The following QRSL1 variants were observed in gnomAD, a reference collection of about 807,000 sequenced individuals.
The protein encoded by QRSL1 is glutamyl-tRNA(Gln) amidotransferase subunit A, mitochondrial.
QRSL1 carries 54 observed loss-of-function variants against 61.6 expected under a neutral mutation model. That is an observed-to-expected ratio of 0.88 (90% CI 0.70 to 1.10). The LOEUF (loss-of-function observed/expected upper bound fraction) is 1.10, where lower values mean the gene tolerates loss of function less well. Among genes scored for constraint, QRSL1 ranks in the 50% least tolerant of loss-of-function variants. The pLI is 0.00. For synonymous variants in QRSL1, 228 were observed against 225.7 expected (o/e 1.01, Z -0.09); for missense variants, 505 against 622.6 (o/e 0.81, Z 2.01).
intron 1 of QRSL1, among the ~76,000 whole-genome samples, chr6:106,636,754 A>C (rs1230019235): frequency 6.6e-6 from 1 of 152,206 alleles, no homozygotes; most frequent in African/African-American, 2.4e-5. Flanking sequence ...AATGTCTAGA[A>C]CTAAGTACTA....
chr6:106,650,569 GATTTGTT>G, intron 5 of QRSL1, among the ~76,000 whole-genome samples: 1 of 86,720 alleles, frequency 1.2e-5, no homozygotes, highest in South Asian at 3.5e-4. Context: ...ACCCCTTTTT[GATTTGTT>G]TCTTTTACAA....
intron 1 of QRSL1, 121 bp downstream of exon 1, chr6:106,629,826 G>A (rs954502712): frequency 2.5e-6 from 3 of 1,214,350 alleles, no homozygotes; most frequent in Admixed American, 2.1e-5. Flanking sequence ...CTCTAGAACT[G>A]AGTGGGGGAT....
At position 106,667,684 on chromosome 6, in the gene QRSL1, A is replaced by G. The variant is rs113284867; in HGVS notation, c.*1682A>G. On this transcript the variant is annotated 3_prime_UTR_variant, in exon 11 of 11. Coordinates refer to ENST00000369046, the MANE Select transcript of QRSL1 (RefSeq NM_018292.5). Reference sequence around the variant, plus strand: ...CTCTGAGATCCTCCCGCTCCCAAATACTCAACCTGATTAACTTCACATAAA... The same window carrying G: ...CTCTGAGATCCTCCCGCTCCCAAATGCTCAACCTGATTAACTTCACATAAA... 2.2e-3 allele frequency: 329 copies of G among 152,196 alleles called. 1 individual carries two copies. Among genetic ancestry groups the G allele is most frequent in the African/African-American group, 7.6e-3 (315 of 41,530 alleles). The allele number at this position is 152,196 out of a possible 1,614,324, so 9.4% of individuals were successfully genotyped here. A position where few individuals can be genotyped will look rare whatever the true frequency, so the allele number is the denominator to read the frequency against.
chr6:106,666,371 G>C lies in QRSL1; in HGVS notation c.*369G>C. 9.5e-6 allele frequency: 2 copies of C among 210,062 alleles called. No individual in the cohort carries two copies. Among genetic ancestry groups the C allele is most frequent in the South Asian group, 7.1e-5 (1 of 14,138 alleles). 13.0% of individuals were successfully genotyped at this position (210,062 alleles called of 1,614,324 possible). ...ACGTACAGAGATTCTATATTCTAGA[G>C]AGTCAAATGGTCTTGCTCAATTCTT... is the stretch of plus-strand genomic sequence containing the variant. On this transcript the variant is annotated 3_prime_UTR_variant, in exon 11 of 11. Transcript: ENST00000369046.
Position 106,640,432 on chromosome 6 carries a change from T to C in QRSL1, c.108T>C (p.Phe36=). 1 of 1,611,892 alleles carries C rather than the reference T, an allele frequency of 6.2e-7. No individual in the cohort carries two copies. Among genetic ancestry groups the C allele is most frequent in the Non-Finnish European group, 8.5e-7 (1 of 1,178,874 alleles). ...TCTCTCTTATCAAGAAGACCAAGTT[T>C]CTAAATGCCTACATTACTGTGTCAG... The part of the protein sequence containing the change: ...KCLSLIKKTK[F]LNAYITVSEE... The change falls in exon 2 of 11, where the codon TTT becomes TTC. Residue 36 remains phenylalanine, a synonymous_variant. Transcript: ENST00000369046.
Position 106,633,455 on chromosome 6 carries a change from G to A in QRSL1, c.24+3750G>A, listed in dbSNP as rs1402772333. ...AATTGAGATAATCAGTTGAAGAGGG[G>A]GAAATTTGCGGGGAATTAGGGAGAA... is the stretch of plus-strand genomic sequence containing the variant. On this transcript the variant is annotated intron_variant, in intron 1 of 10. Transcript: ENST00000369046. Among the ~76,000 whole-genome samples the A allele has an allele frequency of 4.6e-5, 7 of 152,248 alleles. No individual in the cohort carries two copies. The East Asian group carries it at 1.3e-3, about 29-fold the overall frequency.
chr6:106,642,570 T>C lies in QRSL1; in HGVS notation c.284-424T>C, dbSNP rs1582409822. 2.8e-5 allele frequency: 21 copies of C among 737,168 alleles called. No homozygotes were observed. In the East Asian group the frequency reaches 5.2e-4, roughly 18 times the overall value. 45.7% of individuals were successfully genotyped at this position (737,168 alleles called of 1,614,324 possible). Reference sequence around the variant, plus strand: ...ATGTGAACCTATAAGAAAGGTGATGTGGACATCAAGGGAATGGGTATTGTT... The same window carrying C: ...ATGTGAACCTATAAGAAAGGTGATGCGGACATCAAGGGAATGGGTATTGTT... On this transcript the variant is annotated intron_variant, in intron 3 of 10. Coordinates refer to ENST00000369046, the MANE Select transcript of QRSL1 (RefSeq NM_018292.5).
At chr6:106,662,285 G>A (rs1777369796) in intron 9 of QRSL1, among the ~76,000 whole-genome samples, 1 of 152,098 alleles carries the variant, frequency 6.6e-6, no homozygotes, top group South Asian at 2.1e-4. Context: ...CCTCACCAAT[G>A]AATATTCTGG....
intron 10 of QRSL1, among the ~76,000 whole-genome samples, chr6:106,665,389 T>A (rs1168531813): frequency 6.6e-6 from 1 of 152,168 alleles, no homozygotes; most frequent in Non-Finnish European, 1.5e-5. Flanking sequence ...TGAAGCAATC[T>A]CCTCCTCATC....
At chr6:106,662,526 T>C (rs1777373239) in intron 9 of QRSL1, among the ~76,000 whole-genome samples, 1 of 151,930 alleles carries the variant, frequency 6.6e-6, no homozygotes, top group South Asian at 2.1e-4. Flanking sequence ...GCCTAAACTC[T>C]TTATTTAACC....
At chr6:106,630,893 T>C (rs1010329916) in intron 1 of QRSL1, among the ~76,000 whole-genome samples, 4 of 152,234 alleles carry the variant, frequency 2.6e-5, no homozygotes, top group African/African-American at 9.6e-5. Flanking sequence ...TACATTATTA[T>C]GTTATCATTT....
intron 9 of QRSL1, among the ~76,000 whole-genome samples, chr6:106,661,720 T>G: frequency 3.0e-5 from 2 of 66,530 alleles, no homozygotes; most frequent in Admixed American, 2.3e-4. Flanking sequence ...TTTTTTTTTT[T>G]TGAGACGGAG....
chr6:106,651,281 C>T (rs190177256), intron 5 of QRSL1, among the ~76,000 whole-genome samples: 3 of 152,042 alleles, frequency 2.0e-5, no homozygotes, highest in African/African-American at 7.2e-5. Context: ...AAGAAATGAA[C>T]AGTCACTTTG....
At chr6:106,652,135 C>T in intron 5 of QRSL1, 74 bp from the exon 6 acceptor site, 5 of 1,368,810 alleles carry the variant, frequency 3.7e-6, no homozygotes, top group Non-Finnish European at 5.0e-6. Context: ...TAAAAATATA[C>T]AATTGAAAGG....
intron 7 of QRSL1, among the ~76,000 whole-genome samples, chr6:106,654,041 G>A (rs1234383552): frequency 2.0e-5 from 3 of 152,110 alleles, no homozygotes; most frequent in Non-Finnish European, 2.9e-5. Context: ...AGCATGAGAT[G>A]AGAGAGAATC....
At chr6:106,663,796 T>A (rs950073130) in intron 10 of QRSL1, among the ~76,000 whole-genome samples, 3 of 152,090 alleles carry the variant, frequency 2.0e-5, no homozygotes, top group African/African-American at 4.8e-5. Flanking sequence ...CACAACACAC[T>A]TAGTAGTTTT....
intron 3 of QRSL1, 76 bp downstream of exon 3, chr6:106,640,997 A>C: frequency 1.0e-6 from 1 of 997,834 alleles, no homozygotes; most frequent in Non-Finnish European, 1.5e-6. Flanking sequence ...ATAAAGTACC[A>C]AGATAATCTC....
At chr6:106,639,742 G>T (rs1329337909) in intron 1 of QRSL1, among the ~76,000 whole-genome samples, 1 of 151,902 alleles carries the variant, frequency 6.6e-6, no homozygotes, top group South Asian at 2.1e-4. Flanking sequence ...AGTCACTTTC[G>T]GTGCAGTTTT....
chr6:106,655,566 A>G (rs778235965), intron 8 of QRSL1, 49 bp from the exon 9 acceptor site: 1 of 1,236,878 alleles, frequency 8.1e-7, no homozygotes, highest in South Asian at 1.2e-5. Context: ...CCAAAACTTT[A>G]CTGACTTTAC....
Sources: gnomAD v4.1 joint callset for allele counts (sites outside exome capture counted in the v4.1 genomes callset) on GRCh38, gnomAD v4.1.1 for gene constraint, MANE v1.5 for transcripts, NCBI Gene and HGNC (gene_info 2026-07-23, HGNC 2026-07-21) for gene names.